INTS6: variants seen among roughly 807,000 people sequenced by gnomAD.
The protein encoded by INTS6 is DEAD box protein.
In INTS6, 16 loss-of-function variants were observed where a neutral mutation model predicts 104.9. That is an observed-to-expected ratio of 0.15 (90% CI 0.10 to 0.23). The LOEUF is 0.23. Ranked by LOEUF, INTS6 falls within the 10% of genes least tolerant of loss-of-function variation. INTS6 has a pLI of 1.00. For synonymous variants in INTS6, 324 were observed against 358.7 expected, an observed-to-expected ratio of 0.90 and a Z score of 1.09; for missense variants, 584 against 1,062.8, an observed-to-expected ratio of 0.55 and a Z score of 6.26.
chr13:51,431,833 A>C (rs1957096462), intron 3 of INTS6, among the ~76,000 whole-genome samples: 1 of 152,124 alleles, frequency 6.6e-6, no homozygotes, highest in Admixed American at 6.5e-5. Flanking sequence ...TTAAAATGTC[A>C]CAGGAGTCTT....
intron 3 of INTS6, among the ~76,000 whole-genome samples, chr13:51,356,260 T>C (rs1200479504): frequency 6.6e-6 from 1 of 152,080 alleles, no homozygotes; most frequent in Non-Finnish European, 1.5e-5. Flanking sequence ...GTAAATACTG[T>C]TGACTTGGTC....
intron 3 of INTS6, chr13:51,447,030 G>A (rs1371273375): frequency 6.6e-6 from 1 of 151,848 alleles, no homozygotes; most frequent in Non-Finnish European, 1.5e-5. Context: ...TTTGTTAGGT[G>A]TTTCTTACCA....
chr13:51,341,060 C>A, the INTS6 span: 2 of 1,605,942 alleles, frequency 1.2e-6, no homozygotes, highest in Non-Finnish European at 1.7e-6. Flanking sequence ...TGCATCTCTT[C>A]CCTCTGAATT....
At chr13:51,423,833 C>A (rs1956939237) in intron 4 of INTS6, among the ~76,000 whole-genome samples, 1 of 151,920 alleles carries the variant, frequency 6.6e-6, no homozygotes, top group African/African-American at 2.4e-5. Flanking sequence ...TTTTCACATG[C>A]TTTTTGTGTA....
chr13:51,361,949 C>A lies in INTS6; in HGVS notation c.*3803G>T, dbSNP rs982625119. 8 of 1,611,714 alleles carry A rather than the reference C, an allele frequency of 5.0e-6. No homozygotes were observed. Among genetic ancestry groups the A allele is most frequent in the African/African-American group, 4.0e-5 (3 of 74,736 alleles). ...TAATTTATCAGTGTCTCTCTAGCAA[C>A]AAGGGCTCATTTGTCCACTATCCCC... On this transcript the variant is annotated 3_prime_UTR_variant, in exon 18 of 18. Coordinates refer to ENST00000311234, the MANE Select transcript of INTS6 (RefSeq NM_012141.3).
At chr13:51,430,226 G>T in intron 4 of INTS6, 68 bp downstream of exon 4, 4 of 1,322,862 alleles carry the variant, frequency 3.0e-6, no homozygotes, top group Non-Finnish European at 4.3e-6. Context: ...AAGGTGTTCA[G>T]TATCCTACAA....
At chr13:51,391,538 A>G (rs1033815115) in intron 5 of INTS6, among the ~76,000 whole-genome samples, 1 of 152,170 alleles carries the variant, frequency 6.6e-6, no homozygotes, top group Non-Finnish European at 1.5e-5. Context: ...CTTATTGTCT[A>G]TGTCAAAACT....
chr13:51,375,767 G>GCA (rs3046057), intron 13 of INTS6, among the ~76,000 whole-genome samples: 3 of 144,292 alleles, frequency 2.1e-5, no homozygotes, highest in Non-Finnish European at 3.0e-5. Flanking sequence ...GTGTGTGTGT[G>GCA]CGCGCGCGTG....
chr13:51,383,195 T>C, intron 9 of INTS6, 134 bp downstream of exon 9: 3 of 704,492 alleles, frequency 4.3e-6, no homozygotes, highest in Non-Finnish European at 6.4e-6. Flanking sequence ...TATATTTTCT[T>C]AAAGATGTTC....
the INTS6 span, among the ~76,000 whole-genome samples, chr13:51,345,328 G>A: frequency 6.6e-6 from 1 of 152,164 alleles, no homozygotes; most frequent in Admixed American, 6.5e-5. Flanking sequence ...AAGACCCAGT[G>A]TTGGTTAAAA....
intron 10 of INTS6, among the ~76,000 whole-genome samples, chr13:51,381,701 GTT>G (rs57189672): frequency 7.0e-6 from 1 of 143,502 alleles, no homozygotes. Flanking sequence ...CAAGTTTTTT[GTT>G]TTTTTTTTTT....
intron 15 of INTS6, among the ~76,000 whole-genome samples, chr13:51,369,595 T>C (rs1955765333): frequency 6.6e-6 from 1 of 152,214 alleles, no homozygotes; most frequent in African/African-American, 2.4e-5. Flanking sequence ...AGCAATTTTA[T>C]TGAAACAAGT....
At chr13:51,374,916 TA>T in intron 13 of INTS6, 120 bp from the exon 14 acceptor site, 1 of 1,008,692 alleles carries the variant, frequency 9.9e-7, no homozygotes, top group Admixed American at 2.8e-5. Flanking sequence ...CAACATATTC[TA>T]AATTTGTTTG....
chr13:51,452,561 G>A lies in INTS6; in HGVS notation c.-36C>T, dbSNP rs199507935. ...GGGGACACCGGGGCCCGAGGTGGTGGAGAAAGAGGAGATGGTAGAGGTGGA... is the reference window on the plus strand; with the variant it reads ...GGGGACACCGGGGCCCGAGGTGGTGAAGAAAGAGGAGATGGTAGAGGTGGA... On this transcript the variant is annotated 5_prime_UTR_variant, in exon 1 of 18. Coordinates refer to ENST00000311234, the MANE Select transcript of INTS6 (RefSeq NM_012141.3). The surrounding 1 kb of genome is among the most constrained non-coding windows in gnomAD (Gnocchi z 4.2). 24 of 1,601,250 alleles carry A rather than the reference G, an allele frequency of 1.5e-5. No homozygotes were observed. In the East Asian group the frequency reaches 1.8e-4, roughly 12 times the overall value.
At chr13:51,400,594 C>T (rs1052569763) in intron 4 of INTS6, among the ~76,000 whole-genome samples, 3 of 152,074 alleles carry the variant, frequency 2.0e-5, no homozygotes, top group Admixed American at 6.5e-5. Context: ...TTTCTTATAT[C>T]GGGTGACTGT....
chr13:51,376,295 AT>A, intron 12 of INTS6, 121 bp from the exon 13 acceptor site: 1 of 738,118 alleles, frequency 1.4e-6, no homozygotes, highest in Non-Finnish European at 2.0e-6. Flanking sequence ...CTTAAAAAAA[AT>A]AAAATAAAGA....
rs1218632739 is a variant in INTS6 at position 51,382,136 on chromosome 13, A to C, written c.1181-13T>G. 1 of 1,531,340 alleles carries C rather than the reference A, an allele frequency of 6.5e-7. No individual in the cohort carries two copies. Among genetic ancestry groups the C allele is most frequent in the South Asian group, 1.1e-5 (1 of 88,066 alleles). The allele number at this position is 1,531,340 out of a possible 1,614,324, so 94.9% of individuals were successfully genotyped here. On this transcript the variant is annotated splice_polypyrimidine_tract_variant and intron_variant, in intron 9 of 17. Coordinates refer to ENST00000311234, the MANE Select transcript of INTS6 (RefSeq NM_012141.3). ...TTAAACAAGTCATCTAGAAACGTAT[A>C]ATGTGAACAAACTATCACTACTCAT...
At chr13:51,352,201 T>C (rs1955410513), downstream of INTS6, among the ~76,000 whole-genome samples, 1 of 152,100 alleles carries the variant, frequency 6.6e-6, no homozygotes, top group African/African-American at 2.4e-5. Context: ...ATTTGGTGAG[T>C]ATTACTTTCT....
chr13:51,340,235 G>A, the INTS6 span, among the ~76,000 whole-genome samples: 1 of 152,146 alleles, frequency 6.6e-6, no homozygotes, highest in Non-Finnish European at 1.5e-5. Context: ...AACAAAAACT[G>A]CTGCTGGCTG....
Sources: allele counts gnomAD v4.1 joint callset (sites outside exome capture counted in the v4.1 genomes callset), GRCh38; gene constraint gnomAD v4.1.1; non-coding constraint Gnocchi (gnomAD v3.1); transcripts MANE v1.5; gene names NCBI Gene and HGNC (gene_info 2026-07-23, HGNC 2026-07-21).